The following RHOU variants were observed in gnomAD, a reference collection of about 807,000 sequenced individuals.
RHOU encodes the protein rho-related GTP-binding protein RhoU.
A neutral mutation model predicts 12.6 loss-of-function variants in RHOU; 8 were observed. That is an observed-to-expected ratio of 0.64 (90% CI 0.37 to 1.15). RHOU has a LOEUF of 1.15. Among genes scored for constraint, RHOU ranks in the 50% most tolerant of loss-of-function variants. The probability of loss-of-function intolerance (pLI) is 0.01; values close to 1 mark genes in which losing one functional copy is unlikely to be tolerated. For synonymous variants in RHOU, 161 were observed against 147.4 expected (o/e 1.09, Z -0.67); for missense variants, 258 against 347.0 (o/e 0.74, Z 2.04).
chr1:228,737,852 C>T lies in RHOU; in HGVS notation c.321+121C>T, dbSNP rs116212003. The T allele has an allele frequency of 3.3e-3, 3,520 of 1,062,968 alleles. 81 individuals carry two copies. The African/African-American group carries it at 0.049, about 15-fold the overall frequency. The allele number at this position is 1,062,968 out of a possible 1,614,324, so 65.8% of individuals were successfully genotyped here. A position where few individuals can be genotyped will look rare whatever the true frequency, so the allele number is the denominator to read the frequency against. On this transcript the variant is annotated intron_variant, in intron 2 of 2. Coordinates refer to ENST00000366691, the MANE Select transcript of RHOU (RefSeq NM_021205.6). This position sits in a 1 kb window ranked among gnomAD's most constrained non-coding sequence, Gnocchi z 4.1. ...TCTAAAGCCTCATGAAGTGGACCCACCCCTGCTGTTGGCCCTTCTCTGAGG... is the reference window on the plus strand; with the variant it reads ...TCTAAAGCCTCATGAAGTGGACCCATCCCTGCTGTTGGCCCTTCTCTGAGG...
the RHOU span, among the ~76,000 whole-genome samples, chr1:228,674,438 C>G: frequency 6.6e-6 from 1 of 151,004 alleles, no homozygotes; most frequent in African/African-American, 2.4e-5. Context: ...CCTCTGCCTC[C>G]CAGGTTCAAG....
the RHOU span, among the ~76,000 whole-genome samples, chr1:228,720,177 G>GA: frequency 2.0e-5 from 3 of 151,082 alleles, no homozygotes; most frequent in Non-Finnish European, 4.4e-5. Flanking sequence ...AAAATTAAAA[G>GA]AAAAAAAAGG....
At chr1:228,651,173 A>G in the RHOU span, 1 of 203,734 alleles carries the variant, frequency 4.9e-6, no homozygotes. Flanking sequence ...GGAATTTGAA[A>G]TCCTCCCTTC....
chr1:228,735,028 C>A (rs1662562625), upstream of RHOU: 1 of 152,254 alleles, frequency 6.6e-6, no homozygotes, highest in South Asian at 2.1e-4. This position sits in a 1 kb window ranked among gnomAD's most constrained non-coding sequence, Gnocchi z 8.1. Context: ...GCAGGACAGG[C>A]CTCCAGGACA....
the RHOU span, among the ~76,000 whole-genome samples, chr1:228,646,645 C>G: frequency 6.9e-6 from 1 of 145,130 alleles, no homozygotes; most frequent in African/African-American, 2.6e-5. Flanking sequence ...TTGCCCCGGG[C>G]TGGCACTAGA....
the RHOU span, among the ~76,000 whole-genome samples, chr1:228,647,387 TG>T: frequency 6.6e-6 from 1 of 152,164 alleles, no homozygotes; most frequent in Non-Finnish European, 1.5e-5. Flanking sequence ...TCCGGAGGCC[TG>T]GGTCTCTGGC....
chr1:228,719,766 A>G, the RHOU span, among the ~76,000 whole-genome samples: 1 of 151,964 alleles, frequency 6.6e-6, no homozygotes, highest in East Asian at 1.9e-4. Context: ...AACAACAACA[A>G]CAAAAAAAAT....
At chr1:228,728,013 C>G in the RHOU span, among the ~76,000 whole-genome samples, 1 of 152,096 alleles carries the variant, frequency 6.6e-6, no homozygotes, top group East Asian at 1.9e-4. Flanking sequence ...GGAGGCTTTT[C>G]TGTGCAAAGG....
At chr1:228,669,201 C>T in the RHOU span, among the ~76,000 whole-genome samples, 2 of 152,240 alleles carry the variant, frequency 1.3e-5, no homozygotes, top group Non-Finnish European at 2.9e-5. Context: ...AGTCCCCCAA[C>T]CCCTGGCTGT....
At chr1:228,687,421 T>C in the RHOU span, 3 of 1,311,018 alleles carry the variant, frequency 2.3e-6, no homozygotes, top group Non-Finnish European at 3.3e-6. Context: ...TGCACTGCCT[T>C]GAAGAACTTT....
rs922318180 is a variant in RHOU at position 228,735,675 on chromosome 1, T to G, written c.-68T>G. On this transcript the variant is annotated 5_prime_UTR_variant, in exon 1 of 3. Coordinates refer to ENST00000366691, the MANE Select transcript of RHOU (RefSeq NM_021205.6). The surrounding 1 kb of genome is among the most constrained non-coding windows in gnomAD (Gnocchi z 8.1). ...TGACAGCTCCTCCCTACCGCAACCC[T>G]CCGGGGCGGAGGGGCGGTCGGGCCG... 2.6e-6 allele frequency: 3 copies of G among 1,155,544 alleles called. No homozygotes were observed. Among genetic ancestry groups the G allele is most frequent in the Non-Finnish European group, 3.2e-6 (3 of 935,816 alleles). The allele number at this position is 1,155,544 out of a possible 1,614,324, so 71.6% of individuals were successfully genotyped here.
At chr1:228,726,317 G>C in the RHOU span, among the ~76,000 whole-genome samples, 1 of 152,120 alleles carries the variant, frequency 6.6e-6, no homozygotes, top group Non-Finnish European at 1.5e-5. Flanking sequence ...TCATTGCTCT[G>C]TTGTCTTGTG....
At chr1:228,725,440 C>T in the RHOU span, among the ~76,000 whole-genome samples, 1 of 108,484 alleles carries the variant, frequency 9.2e-6, no homozygotes, top group African/African-American at 4.7e-5. Context: ...CTTCTGCAGC[C>T]TCTCAAAGGG....
chr1:228,686,321 T>C, the RHOU span, among the ~76,000 whole-genome samples: 1 of 152,160 alleles, frequency 6.6e-6, no homozygotes, highest in African/African-American at 2.4e-5. Flanking sequence ...AATAAAGAGT[T>C]TCTGTTTGAG....
chr1:228,659,130 G>A, the RHOU span, among the ~76,000 whole-genome samples: 1 of 152,170 alleles, frequency 6.6e-6, no homozygotes, highest in Admixed American at 6.5e-5. Context: ...TGTAATCCCA[G>A]CACTTTGGGA....
At chr1:228,725,050 G>A in the RHOU span, among the ~76,000 whole-genome samples, 3 of 151,944 alleles carry the variant, frequency 2.0e-5, no homozygotes, top group Non-Finnish European at 2.9e-5. Context: ...TTATTTTTCT[G>A]TCAAGACTAC....
chr1:228,677,643 G>C, the RHOU span, among the ~76,000 whole-genome samples: 1 of 152,168 alleles, frequency 6.6e-6, no homozygotes, highest in Non-Finnish European at 1.5e-5. Context: ...GATAGCTGCG[G>C]AGAGGTAGAA....
the RHOU span, among the ~76,000 whole-genome samples, chr1:228,714,348 A>G: frequency 2.6e-5 from 4 of 152,222 alleles, no homozygotes; most frequent in African/African-American, 9.6e-5. Context: ...CTTCACAAAA[A>G]TAATTAGGAA....
At chr1:228,676,127 A>G in the RHOU span, among the ~76,000 whole-genome samples, 5 of 149,326 alleles carry the variant, frequency 3.3e-5, no homozygotes, top group South Asian at 4.2e-4. Flanking sequence ...TGACTGCTGT[A>G]ACCGCCCCCC....
Sources: gnomAD v4.1 joint callset for allele counts (sites outside exome capture counted in the v4.1 genomes callset) on GRCh38, gnomAD v4.1.1 for gene constraint, Gnocchi (gnomAD v3.1) non-coding constraint, MANE v1.5 for transcripts, NCBI Gene and HGNC (gene_info 2026-07-23, HGNC 2026-07-21) for gene names.